Variants in ERC2 observed in about 807,000 individuals in gnomAD.
The protein encoded by ERC2 is ERC protein 2.
A neutral mutation model predicts 114.8 loss-of-function variants in ERC2; 42 were observed. That is an observed-to-expected ratio of 0.37 (90% CI 0.29 to 0.47). The LOEUF (loss-of-function observed/expected upper bound fraction) is 0.47, where lower values mean the gene tolerates loss of function less well. Ranked by LOEUF, ERC2 falls within the 20% of genes least tolerant of loss-of-function variation. ERC2 has a pLI of 0.99. For missense variants in ERC2, 939 were observed against 1,150.7 expected (o/e 0.82, Z 2.66); for synonymous variants, 454 against 425.5 (o/e 1.07, Z -0.82).
chr3:55,779,248 G>A (rs545407138), intron 14 of ERC2, among the ~76,000 whole-genome samples: 364 of 150,042 alleles, frequency 2.4e-3, no homozygotes, highest in Non-Finnish European at 4.5e-3. Flanking sequence ...TTGGGAGGCC[G>A]AGGAGGGTGG....
intron 1 of ERC2, among the ~76,000 whole-genome samples, chr3:56,467,384 A>T (rs1383651862): frequency 6.6e-6 from 1 of 151,842 alleles, no homozygotes; most frequent in Non-Finnish European, 1.5e-5. Context: ...AAATCGATCC[A>T]CTCCTAAAAG....
intron 2 of ERC2, among the ~76,000 whole-genome samples, chr3:56,313,320 G>T (rs1576392038): frequency 6.6e-6 from 1 of 151,738 alleles, no homozygotes; most frequent in Non-Finnish European, 1.5e-5. Flanking sequence ...TCACTGAATT[G>T]TACCATTTAA....
intron 12 of ERC2, among the ~76,000 whole-genome samples, chr3:55,951,366 A>G (rs549972295): frequency 2.4e-4 from 36 of 152,362 alleles, no homozygotes; most frequent in African/African-American, 7.9e-4. Flanking sequence ...AGTTTGGCTA[A>G]TCATAATGTT....
chr3:56,371,209 C>T (rs746356661), intron 2 of ERC2, among the ~76,000 whole-genome samples: 10 of 152,160 alleles, frequency 6.6e-5, no homozygotes, highest in Non-Finnish European at 1.3e-4. Flanking sequence ...GACAATAGAA[C>T]ACTGTCTCAA....
intron 14 of ERC2, among the ~76,000 whole-genome samples, chr3:55,841,821 G>A (rs1023925829): frequency 3.9e-5 from 6 of 152,216 alleles, no homozygotes; most frequent in East Asian, 1.9e-4. Flanking sequence ...AAGGAAGGCC[G>A]CATAGTGTTG....
rs185027870 is a variant in ERC2, at chr3:56,266,318, G to A, written c.1074+29701C>T. 1.9e-3 allele frequency among the ~76,000 whole-genome samples: 289 copies of A among 151,612 alleles called. 6 individuals are homozygous for A. In the East Asian group the frequency reaches 0.046, roughly 24 times the overall value. On this transcript the variant is annotated intron_variant, in intron 3 of 17. Coordinates refer to ENST00000288221, the MANE Select transcript of ERC2 (RefSeq NM_015576.3). ...GCTAATTTTTTGTATTTTTAGTAGA[G>A]ACAGGGTTTCACCGTGTTAGCCAGG... is the stretch of plus-strand genomic sequence containing the variant.
chr3:56,279,754 C>T (rs557418751), intron 3 of ERC2, among the ~76,000 whole-genome samples: 222 of 152,164 alleles, frequency 1.5e-3, no homozygotes, highest in Non-Finnish European at 2.2e-3. Context: ...ACAAGAGGTA[C>T]GAAGCTGGGA....
intron 13 of ERC2, among the ~76,000 whole-genome samples, chr3:55,916,962 T>C (rs570716317): frequency 9.8e-5 from 15 of 152,322 alleles, no homozygotes; most frequent in African/African-American, 3.4e-4. Flanking sequence ...AGGGGTTTTT[T>C]TGCACTAAAG....
intron 14 of ERC2, among the ~76,000 whole-genome samples, chr3:55,747,509 GAA>G (rs1341588775): frequency 6.6e-6 from 1 of 152,200 alleles, no homozygotes; most frequent in Non-Finnish European, 1.5e-5. Context: ...AGTGAGATTA[GAA>G]ATACTTTATT....
chr3:56,320,747 A>G (rs2150421050), intron 2 of ERC2, among the ~76,000 whole-genome samples: 1 of 152,360 alleles, frequency 6.6e-6, no homozygotes, highest in East Asian at 1.9e-4. Context: ...ATTCTAAATA[A>G]GTACTTATGC....
intron 17 of ERC2, among the ~76,000 whole-genome samples, chr3:55,549,532 A>G (rs1043250364): frequency 2.2e-5 from 3 of 138,326 alleles, no homozygotes; most frequent in Non-Finnish European, 4.5e-5. Flanking sequence ...GCCTTTCCAC[A>G]TTCATGGGCT....
chr3:56,059,896 T>C (rs892278378), intron 7 of ERC2, among the ~76,000 whole-genome samples: 15 of 152,210 alleles, frequency 9.9e-5, no homozygotes, highest in Non-Finnish European at 1.2e-4. Context: ...AGAGGTTATA[T>C]TGACTTTCCC....
intron 1 of ERC2, among the ~76,000 whole-genome samples, chr3:56,452,690 A>C (rs1440324826): frequency 6.6e-6 from 1 of 152,208 alleles, no homozygotes; most frequent in Non-Finnish European, 1.5e-5. Context: ...TTAAGCATAC[A>C]CTGGATTTGA....
At chr3:56,121,774 G>T (rs1056601769) in intron 6 of ERC2, among the ~76,000 whole-genome samples, 2 of 152,116 alleles carry the variant, frequency 1.3e-5, no homozygotes, top group African/African-American at 2.4e-5. Context: ...TTTTAAACTA[G>T]GTGTTAATAT....
At chr3:56,458,909 G>A (rs370351237) in intron 1 of ERC2, among the ~76,000 whole-genome samples, 7 of 152,270 alleles carry the variant, frequency 4.6e-5, no homozygotes, top group South Asian at 2.1e-4. Context: ...ACTGCTCCTC[G>A]AGGTGATGAC....
intron 6 of ERC2, among the ~76,000 whole-genome samples, chr3:56,095,973 TAC>T (rs1406422395): frequency 6.6e-6 from 1 of 152,212 alleles, no homozygotes; most frequent in Non-Finnish European, 1.5e-5. Flanking sequence ...ACCTTCCACT[TAC>T]TCACCATGGC....
intron 2 of ERC2, among the ~76,000 whole-genome samples, chr3:56,341,624 TC>T: frequency 6.6e-6 from 1 of 151,820 alleles, no homozygotes; most frequent in East Asian, 1.9e-4. Flanking sequence ...ACCAGATATA[TC>T]AGTCCATTCT....
At chr3:55,867,139 T>A (rs2062358050) in intron 14 of ERC2, among the ~76,000 whole-genome samples, 1 of 151,890 alleles carries the variant, frequency 6.6e-6, no homozygotes, top group East Asian at 1.9e-4. Flanking sequence ...CACACTCTCT[T>A]CCTTCCTTCC....
chr3:56,090,992 C>G (rs912285380), intron 6 of ERC2, among the ~76,000 whole-genome samples: 7 of 152,030 alleles, frequency 4.6e-5, no homozygotes, highest in Non-Finnish European at 8.8e-5. Flanking sequence ...GTTCAGAATG[C>G]CTTGTTGAAC....
Sources: allele counts gnomAD v4.1 joint callset (sites outside exome capture counted in the v4.1 genomes callset), GRCh38; gene constraint gnomAD v4.1.1; transcripts MANE v1.5; gene names NCBI Gene and HGNC (gene_info 2026-07-23, HGNC 2026-07-21).